Variants in SYNDIG1 observed in about 807,000 individuals in gnomAD.
The protein encoded by SYNDIG1 is synapse differentiation inducing 1.
Under a neutral mutation model 19.4 loss-of-function variants are expected in SYNDIG1, and 9 were observed. That is an observed-to-expected ratio of 0.46 (90% confidence interval 0.28 to 0.81). SYNDIG1 has a LOEUF of 0.81. Among genes scored for constraint, SYNDIG1 ranks in the 30% least tolerant of loss-of-function variants. SYNDIG1 has a pLI of 0.12. For missense variants in SYNDIG1, 311 were observed against 343.3 expected (o/e 0.91, Z 0.74); for synonymous variants, 141 against 145.9 (o/e 0.97, Z 0.24).
chr20:24,624,771 A>C (rs903290691), intron 3 of SYNDIG1, among the ~76,000 whole-genome samples: 6 of 152,254 alleles, frequency 3.9e-5, no homozygotes, highest in Non-Finnish European at 8.8e-5. Flanking sequence ...CACGTGAAGC[A>C]GTCACAATAT....
At chr20:24,631,754 A>G (rs939696975) in intron 3 of SYNDIG1, among the ~76,000 whole-genome samples, 8 of 152,184 alleles carry the variant, frequency 5.3e-5, no homozygotes, top group Non-Finnish European at 1.2e-4. Flanking sequence ...ATACACACAC[A>G]TATATGCATA....
At chr20:24,615,295 C>G (rs981070333) in intron 3 of SYNDIG1, among the ~76,000 whole-genome samples, 2 of 152,166 alleles carry the variant, frequency 1.3e-5, no homozygotes, top group Non-Finnish European at 2.9e-5. Flanking sequence ...TGCAGGAAAC[C>G]GGGATTCTGA....
chr20:24,556,610 C>T (rs889552419), intron 2 of SYNDIG1, among the ~76,000 whole-genome samples: 1 of 152,154 alleles, frequency 6.6e-6, no homozygotes, highest in Non-Finnish European at 1.5e-5. Flanking sequence ...AAATTCTTTT[C>T]TTTAAGAATG....
intron 3 of SYNDIG1, among the ~76,000 whole-genome samples, chr20:24,662,273 T>C (rs545656381): frequency 1.9e-4 from 29 of 152,018 alleles, no homozygotes; most frequent in African/African-American, 7.0e-4. Context: ...GGTGCTTCCA[T>C]AGCTGTCATT....
At chr20:24,513,651 G>T (rs4550735) in intron 1 of SYNDIG1, among the ~76,000 whole-genome samples, 88,681 of 152,020 alleles carry the variant, frequency 0.58, 26,849 homozygotes, top group East Asian at 0.73. Context: ...ACGTCTTATT[G>T]GTGTACCTGA....
chr20:24,605,268 G>A (rs1486294775), intron 3 of SYNDIG1, among the ~76,000 whole-genome samples: 1 of 152,206 alleles, frequency 6.6e-6, no homozygotes, highest in East Asian at 1.9e-4. Flanking sequence ...GGCTACAAGA[G>A]CCCAGCTAGA....
chr20:24,518,504 C>T (rs1260004763), intron 1 of SYNDIG1, among the ~76,000 whole-genome samples: 1 of 152,236 alleles, frequency 6.6e-6, no homozygotes. Context: ...GTTGGCAACA[C>T]TGTCACCAGC....
At chr20:24,650,017 G>A (rs1238645088) in intron 3 of SYNDIG1, among the ~76,000 whole-genome samples, 1 of 152,188 alleles carries the variant, frequency 6.6e-6, no homozygotes, top group African/African-American at 2.4e-5. Context: ...CATGGGCATG[G>A]GAGGGCCAAG....
At chr20:24,500,552 TTTTC>T (rs2146376410) in intron 1 of SYNDIG1, among the ~76,000 whole-genome samples, 1 of 146,958 alleles carries the variant, frequency 6.8e-6, no homozygotes, top group East Asian at 1.9e-4. Context: ...TTTCTTTCTT[TTTTC>T]TTTCTCTCTC....
At chr20:24,471,768 G>A (rs535164609) in intron 1 of SYNDIG1, among the ~76,000 whole-genome samples, 10 of 152,204 alleles carry the variant, frequency 6.6e-5, no homozygotes, top group Admixed American at 4.6e-4. Context: ...AGTTTTGGAG[G>A]CCACAGAGTT....
chr20:24,587,030 G>C (rs2058428851), intron 3 of SYNDIG1, among the ~76,000 whole-genome samples: 1 of 152,214 alleles, frequency 6.6e-6, no homozygotes, highest in South Asian at 2.1e-4. Context: ...GAGCCTCTTA[G>C]GCTTGGGTCT....
In SYNDIG1 at chr20:24,660,692, T is replaced by G. The variant is rs527821597; in HGVS notation, c.619-4654T>G. On this transcript the variant is annotated intron_variant, in intron 3 of 3. Coordinates refer to ENST00000376862, the MANE Select transcript of SYNDIG1 (RefSeq NM_024893.3). ...CATCTGGGCACTTGGCAGGTTCTTC[T>G]CAGGCCCACGCTCACCTTCGCATCC... Among the ~76,000 whole-genome samples, 53 of 152,344 alleles carry G rather than the reference T, an allele frequency of 3.5e-4. 1 individual carries two copies. In the South Asian group the frequency reaches 0.01, roughly 30 times the overall value.
chr20:24,619,087 A>G (rs2058997459), intron 3 of SYNDIG1, among the ~76,000 whole-genome samples: 1 of 152,186 alleles, frequency 6.6e-6, no homozygotes, highest in African/African-American at 2.4e-5. Flanking sequence ...CCTGGAATTT[A>G]AAACTGCCAA....
intron 2 of SYNDIG1, among the ~76,000 whole-genome samples, chr20:24,559,757 G>A (rs567157971): frequency 2.2e-4 from 33 of 152,136 alleles, no homozygotes; most frequent in South Asian, 8.3e-4. Flanking sequence ...TCGAATTCTC[G>A]TTTGGAAGTT....
intron 1 of SYNDIG1, among the ~76,000 whole-genome samples, chr20:24,524,038 T>C (rs2057062948): frequency 6.6e-6 from 1 of 152,262 alleles, no homozygotes; most frequent in African/African-American, 2.4e-5. Context: ...GACAGGCTGC[T>C]GTGAGCTACA....
chr20:24,661,898 G>C (rs1049860570), intron 3 of SYNDIG1, among the ~76,000 whole-genome samples: 27 of 152,160 alleles, frequency 1.8e-4, no homozygotes, highest in African/African-American at 5.5e-4. Flanking sequence ...TGGGCAGGGT[G>C]GGGGGTTCCA....
intron 3 of SYNDIG1, among the ~76,000 whole-genome samples, chr20:24,603,250 G>GA (rs1333012591): frequency 1.3e-5 from 2 of 152,112 alleles, no homozygotes; most frequent in African/African-American, 4.8e-5. Context: ...GGAGTTGGGA[G>GA]AGATTGTTCG....
chr20:24,665,169 T>C (rs1306092412), intron 3 of SYNDIG1, among the ~76,000 whole-genome samples, 177 bp from the exon 4 acceptor site: 1 of 152,164 alleles, frequency 6.6e-6, no homozygotes, highest in Non-Finnish European at 1.5e-5. Flanking sequence ...GCCCCACATT[T>C]GTTTCTTGCA....
chr20:24,637,941 G>T (rs1440762076), intron 3 of SYNDIG1, among the ~76,000 whole-genome samples: 1 of 152,234 alleles, frequency 6.6e-6, no homozygotes, highest in Admixed American at 6.5e-5. Flanking sequence ...CTTAGAAACT[G>T]CTGCGACCTG....
Sources: gnomAD v4.1 joint callset for allele counts (sites outside exome capture counted in the v4.1 genomes callset) on GRCh38, gnomAD v4.1.1 for gene constraint, MANE v1.5 for transcripts, NCBI Gene and HGNC (gene_info 2026-07-23, HGNC 2026-07-21) for gene names.